Variants in TATDN2 observed in about 807,000 individuals in gnomAD.
TATDN2 encodes 3'-5' RNA nuclease TATDN2.
TATDN2 carries 44 observed loss-of-function variants against 60.3 expected under a neutral mutation model. That is an observed-to-expected ratio of 0.73 (90% CI 0.57 to 0.94). The LOEUF (loss-of-function observed/expected upper bound fraction) is 0.94, where lower values mean the gene tolerates loss of function less well. TATDN2 is among the 40% of genes least tolerant of loss of function. TATDN2 has a pLI of 0.00. For missense variants in TATDN2, 997 were observed against 948.0 expected, an observed-to-expected ratio of 1.05 and a Z score of -0.68; for synonymous variants, 399 against 355.8, an observed-to-expected ratio of 1.12 and a Z score of -1.37.
At chr3:10,274,173 C>T (rs1237304091) in intron 4 of TATDN2, among the ~76,000 whole-genome samples, 1 of 152,170 alleles carries the variant, frequency 6.6e-6, no homozygotes, top group Non-Finnish European at 1.5e-5. Context: ...ACAAATGCTG[C>T]AAATAGCTCC....
At chr3:10,251,286 C>T (rs1482876054) in intron 2 of TATDN2, among the ~76,000 whole-genome samples, 3 of 151,982 alleles carry the variant, frequency 2.0e-5, no homozygotes, top group South Asian at 2.1e-4. Context: ...GGCTGGAGAG[C>T]GAGGTAGGGG....
At chr3:10,276,698 C>T (rs184535384) in intron 5 of TATDN2, among the ~76,000 whole-genome samples, 368 of 152,112 alleles carry the variant, frequency 2.4e-3, no homozygotes, top group Non-Finnish European at 4.3e-3. Context: ...AAACAATTCT[C>T]CTGCCTCAGC....
chr3:10,276,591 C>A, intron 5 of TATDN2, 103 bp downstream of exon 5: 4 of 1,108,376 alleles, frequency 3.6e-6, no homozygotes, highest in South Asian at 3.6e-5. Flanking sequence ...ACTATCTATT[C>A]TTTTTTTTTT....
chr3:10,265,244 T>C (rs1202618840), intron 3 of TATDN2, among the ~76,000 whole-genome samples: 1 of 150,304 alleles, frequency 6.7e-6, no homozygotes, highest in East Asian at 2.0e-4. Context: ...GCCTGGCTAA[T>C]TTTTGTATGT....
At chr3:10,273,822 A>G (rs1698599119) in intron 4 of TATDN2, among the ~76,000 whole-genome samples, 1 of 152,212 alleles carries the variant, frequency 6.6e-6, no homozygotes, top group Admixed American at 6.5e-5. Context: ...TGGTGTTTAC[A>G]GATTAACTAT....
In TATDN2 at chr3:10,278,687, G is replaced by C; in HGVS notation, c.2146-198G>C. On this transcript the variant is annotated intron_variant, in intron 6 of 7. Coordinates refer to ENST00000448281, the MANE Select transcript of TATDN2 (RefSeq NM_014760.4). This position sits in a 1 kb window ranked among gnomAD's most constrained non-coding sequence, Gnocchi z 4.7. ...AGGCAGTGCAAAGCCCTACCCTGTA[G>C]AGGGTAGTCCAAGGAAGCGTGGGAC... The C allele has an allele frequency of 1.0e-6, 1 of 976,326 alleles. No individual in the cohort carries two copies. Among genetic ancestry groups the C allele is most frequent in the Non-Finnish European group, 1.6e-6 (1 of 633,966 alleles). 60.5% of individuals were successfully genotyped at this position (976,326 alleles called of 1,614,324 possible).
At chr3:10,257,107 T>G (rs1199343780) in intron 2 of TATDN2, among the ~76,000 whole-genome samples, 1 of 133,964 alleles carries the variant, frequency 7.5e-6, no homozygotes, top group Non-Finnish European at 1.5e-5. Context: ...TGAAACCCCA[T>G]CTCTACTAAA....
chr3:10,259,348 G>A (rs765569433), intron 2 of TATDN2, among the ~76,000 whole-genome samples: 2 of 152,266 alleles, frequency 1.3e-5, no homozygotes, highest in Non-Finnish European at 2.9e-5. Context: ...ATGCAAATGG[G>A]ATAATGGTTT....
intron 4 of TATDN2, among the ~76,000 whole-genome samples, chr3:10,273,276 G>A (rs532496748): frequency 6.6e-6 from 1 of 152,168 alleles, no homozygotes; most frequent in Non-Finnish European, 1.5e-5. Context: ...AGACTCCTAG[G>A]CTGGGTGGGG....
Position 10,278,899 on chromosome 3 carries a change from T to C in TATDN2, c.2160T>C (p.Leu720=), listed in dbSNP as rs756109928. The change falls in exon 7 of 8, where the codon CTT becomes CTC. Residue 720 remains leucine, a synonymous_variant. Coordinates refer to ENST00000448281, the MANE Select transcript of TATDN2 (RefSeq NM_014760.4). This position sits in a 1 kb window ranked among gnomAD's most constrained non-coding sequence, Gnocchi z 4.7. ...ATGTCTTCCAGGTTCCCAAAAGCCT[T>C]TGCCAGTATGCCCACCCGGGCCTGG... ...YFLPRQVPKS[L]CQYAHPGLAL... The C allele has an allele frequency of 1.2e-6, 2 of 1,613,778 alleles. No individual in the cohort carries two copies. Among genetic ancestry groups the C allele is most frequent in the African/African-American group, 1.3e-5 (1 of 74,926 alleles).
At chr3:10,276,588 ATTC>A (rs1002375154) in intron 5 of TATDN2, 100 bp downstream of exon 5, 3 of 1,384,926 alleles carry the variant, frequency 2.2e-6, no homozygotes, top group Admixed American at 5.1e-5. Context: ...TACACTATCT[ATTC>A]TTTTTTTTTT....
At chr3:10,269,761 T>G (rs1335193726) in intron 3 of TATDN2, among the ~76,000 whole-genome samples, 2 of 152,072 alleles carry the variant, frequency 1.3e-5, no homozygotes, top group Admixed American at 1.3e-4. Context: ...TTGACGACAG[T>G]GTCAGAGAGG....
At position 10,249,230 on chromosome 3, in the gene TATDN2, C is replaced by G; in HGVS notation, c.30C>G (p.His10Gln). The G allele has an allele frequency of 6.5e-7, 1 of 1,547,090 alleles. No homozygotes were observed. The highest frequency in any genetic ancestry group is 8.7e-7 in the Non-Finnish European group (1 of 1,144,898). The change falls in exon 2 of 8, where the codon CAC (histidine) becomes CAG (glutamine). Residue 10 changes from histidine (H) to glutamine (Q), a missense_variant. Coordinates refer to ENST00000448281, the MANE Select transcript of TATDN2 (RefSeq NM_014760.4). The stretch of plus-strand genomic sequence containing the variant: ...CGTCCGAGCGGGGCAAGGTCAAGCA[C>G]AACTGGAGCAGCACGTCGGAAGGGT... MASERGKVK[H>Q]NWSSTSEGCP...
intron 5 of TATDN2, among the ~76,000 whole-genome samples, chr3:10,277,101 A>G (rs966340402): frequency 2.0e-5 from 3 of 152,106 alleles, no homozygotes; most frequent in Admixed American, 6.5e-5. Context: ...AGGATTGCTG[A>G]TCTTGAGAGG....
intron 4 of TATDN2, 41 bp from the exon 5 acceptor site, chr3:10,276,320 T>C: frequency 1.2e-6 from 2 of 1,608,562 alleles, no homozygotes; most frequent in Non-Finnish European, 1.7e-6. Context: ...ACTTCTGAAG[T>C]GCTGCTAACC....
chr3:10,276,636 T>C, intron 5 of TATDN2, 148 bp downstream of exon 5: 1 of 1,195,576 alleles, frequency 8.4e-7, no homozygotes. Context: ...TCGCCCAGGC[T>C]GGAGTGTAGT....
At chr3:10,254,637 A>G (rs1316244395) in intron 2 of TATDN2, among the ~76,000 whole-genome samples, 4 of 152,134 alleles carry the variant, frequency 2.6e-5, no homozygotes, top group African/African-American at 7.2e-5. Context: ...TGCATTTTAG[A>G]GCTCCTCTGG....
chr3:10,260,586 T>C lies in TATDN2; in HGVS notation c.864T>C (p.Leu288=), dbSNP rs1273062965. ...DPQEKPSEEP[L]GDRRTVIDKC... The stretch of plus-strand genomic sequence containing the variant: ...AAGAGAAACCCAGTGAGGAGCCCCT[T>C]GGGGACCGAAGGACTGTCATTGACA... The change falls in exon 3 of 8, where the codon CTT becomes CTC. Residue 288 remains leucine, a synonymous_variant. Transcript: ENST00000448281. The C allele has an allele frequency of 6.2e-7, 1 of 1,614,120 alleles. No individual in the cohort carries two copies. The highest frequency in any genetic ancestry group is 1.1e-5 in the South Asian group (1 of 91,072).
At chr3:10,262,824 T>C (rs2543998) in intron 3 of TATDN2, among the ~76,000 whole-genome samples, 66,464 of 151,962 alleles carry the variant, frequency 0.44, 15,680 homozygotes, top group East Asian at 0.97. Flanking sequence ...TGTAAGCCAC[T>C]TCGCCTGGCC....
Sources: gnomAD v4.1 joint callset for allele counts (sites outside exome capture counted in the v4.1 genomes callset) on GRCh38, gnomAD v4.1.1 for gene constraint, Gnocchi (gnomAD v3.1) non-coding constraint, MANE v1.5 for transcripts, NCBI Gene and HGNC (gene_info 2026-07-23, HGNC 2026-07-21) for gene names.